ZNF98: variants seen among roughly 807,000 people sequenced by gnomAD.
ZNF98 encodes the protein zinc finger protein 98.
A neutral mutation model predicts 12.8 loss-of-function variants in ZNF98; 8 were observed. That is an observed-to-expected ratio of 0.63 (90% CI 0.37 to 1.13). The LOEUF is 1.13. Among genes scored for constraint, ZNF98 ranks in the 50% most tolerant of loss-of-function variants. The pLI, the probability that ZNF98 is intolerant of heterozygous loss-of-function variation, is 0.01. For missense variants in ZNF98, 379 were observed against 666.1 expected (o/e 0.57, Z 4.74); for synonymous variants, 112 against 223.5 (o/e 0.50, Z 4.45).
intron 1 of ZNF98, among the ~76,000 whole-genome samples, chr19:22,406,844 C>A (rs570108373): frequency 6.6e-6 from 1 of 150,874 alleles, no homozygotes; most frequent in East Asian, 2.0e-4. Flanking sequence ...GAAAAAGACA[C>A]TGAAAACCCA....
At chr19:22,397,202 GTGTGTGTTTT>G (rs1268717660) in intron 3 of ZNF98, among the ~76,000 whole-genome samples, 4 of 85,310 alleles carry the variant, frequency 4.7e-5, no homozygotes, top group African/African-American at 1.0e-4. Flanking sequence ...GTGTGTGTGT[GTGTGTGTTTT>G]TGTGTGTGTG....
At chr19:22,403,353 T>C (rs752499698) in intron 2 of ZNF98, 33 bp downstream of exon 2, 11 of 1,554,976 alleles carry the variant, frequency 7.1e-6, no homozygotes, top group Admixed American at 4.1e-5. Context: ...TTATAGGGTA[T>C]ATTAGGGAAT....
At chr19:22,405,438 C>T (rs532733907) in intron 1 of ZNF98, among the ~76,000 whole-genome samples, 18 of 152,118 alleles carry the variant, frequency 1.2e-4, no homozygotes, top group African/African-American at 4.1e-4. Context: ...GCATGACCCA[C>T]GGAGAGGAAG....
At chr19:22,405,200 G>C (rs1969505949) in intron 1 of ZNF98, among the ~76,000 whole-genome samples, 1 of 147,780 alleles carries the variant, frequency 6.8e-6, no homozygotes, top group Non-Finnish European at 1.5e-5. Context: ...GTAAAGCTTT[G>C]CAAGTACTGA....
chr19:22,404,405 A>C (rs1969497195), intron 1 of ZNF98, among the ~76,000 whole-genome samples: 1 of 152,252 alleles, frequency 6.6e-6, no homozygotes, highest in African/African-American at 2.4e-5. Flanking sequence ...TTCGTTTTCC[A>C]AAGACAGATA....
chr19:22,421,570 G>C (rs77152766), intron 1 of ZNF98, among the ~76,000 whole-genome samples: 5,654 of 152,206 alleles, frequency 0.037, 358 homozygotes, highest in African/African-American at 0.13. Context: ...AGTAAGTTCT[G>C]ATTACACAAC....
At position 22,392,610 on chromosome 19, in the gene ZNF98, G is replaced by C. The variant is rs1368993673; in HGVS notation, c.625C>G (p.Pro209Ala). ...QHKRIHSGEK[P>A]YKCKECGKAY... is the part of the protein sequence containing the mutation. ...TTCCCACATTCTTTACATTTGTAGG[G>C]TTTCTCTCCACTATGAATTCTTTTA... Residue 209 changes from proline to alanine, a missense_variant, in exon 4 of 4, where the codon CCC (proline) becomes GCC (alanine). Transcript: ENST00000357774. 9.3e-6 allele frequency: 15 copies of C among 1,605,840 alleles called. No individual in the cohort carries two copies. The highest frequency in any genetic ancestry group is 1.7e-4 in the Middle Eastern group (1 of 5,992).
chr19:22,408,061 T>C (rs1460132348), intron 1 of ZNF98, among the ~76,000 whole-genome samples: 3 of 151,990 alleles, frequency 2.0e-5, no homozygotes, highest in African/African-American at 7.3e-5. Flanking sequence ...CGAAACTCTG[T>C]CTCAAAACAA....
At chr19:22,408,121 G>A (rs1293672591) in intron 1 of ZNF98, among the ~76,000 whole-genome samples, 1 of 152,114 alleles carries the variant, frequency 6.6e-6, no homozygotes, top group Admixed American at 6.6e-5. Context: ...TTCATCCCTG[G>A]GATGCAGGGC....
At chr19:22,416,766 A>G (rs1969648377) in intron 1 of ZNF98, among the ~76,000 whole-genome samples, 1 of 152,102 alleles carries the variant, frequency 6.6e-6, no homozygotes, top group African/African-American at 2.4e-5. Context: ...TAAATAAAAT[A>G]TGGTACATAA....
intron 3 of ZNF98, among the ~76,000 whole-genome samples, chr19:22,397,209 T>TG (rs3084809): frequency 0.45 from 59,873 of 132,328 alleles, 12,221 homozygotes; most frequent in Non-Finnish European, 0.49. Context: ...TGTGTGTGTG[T>TG]TTTTGTGTGT....
Position 22,392,918 on chromosome 19 carries a change from T to C in ZNF98, c.317A>G (p.Lys106Arg). The C allele has an allele frequency of 1.3e-6, 2 of 1,587,186 alleles. No homozygotes were observed. The highest frequency in any genetic ancestry group is 2.3e-5 in the South Asian group (2 of 85,224). Residue 106 changes from lysine (K) to arginine (R), a missense_variant, in exon 4 of 4, where the codon AAA (lysine) becomes AGA (arginine). Lys to Arg is a conservative substitution (Grantham distance 26). Around this residue, in one of 8 missense-constraint regions of ZNF98, gnomAD observed 223 missense variants for 261.6 expected, o/e 0.85. Transcript: ENST00000357774. ...TTTTTTATATGTTCTCAGTATCACTTTTTGGAAATAATTTTTTTTGCCCTG... is the reference window on the plus strand; with the variant it reads ...TTTTTTATATGTTCTCAGTATCACTCTTTGGAAATAATTTTTTTTGCCCTG... ...PKQGKKNYFQKVILRTYKKCG... is the reference protein window; with the variant it reads ...PKQGKKNYFQRVILRTYKKCG...
chr19:22,396,974 C>G (rs1408794124), intron 3 of ZNF98, among the ~76,000 whole-genome samples: 1 of 151,906 alleles, frequency 6.6e-6, no homozygotes, highest in Non-Finnish European at 1.5e-5. Flanking sequence ...CAAAAATTAG[C>G]CGGGCATGGT....
At chr19:22,416,968 G>A (rs988798338) in intron 1 of ZNF98, among the ~76,000 whole-genome samples, 19 of 152,024 alleles carry the variant, frequency 1.2e-4, no homozygotes, top group African/African-American at 4.6e-4. Flanking sequence ...AGTGGCTCAC[G>A]CCTGTAATCC....
intron 1 of ZNF98, 25 bp from the exon 2 acceptor site, chr19:22,403,537 C>T (rs1270126573): frequency 7.0e-6 from 11 of 1,571,514 alleles, no homozygotes; most frequent in Non-Finnish European, 9.4e-6. Flanking sequence ...AACACACATA[C>T]ATATTTACCA....
Position 22,392,744 on chromosome 19 carries a change from T to C in ZNF98, c.491A>G (p.His164Arg), listed in dbSNP as rs780500984. 1 of 1,608,550 alleles carries C rather than the reference T, an allele frequency of 6.2e-7. No individual in the cohort carries two copies. Residue 164 changes from histidine to arginine, a missense_variant, in exon 4 of 4, where the codon CAT (histidine) becomes CGT (arginine). His to Arg is a conservative substitution (Grantham distance 29, BLOSUM62 0). Transcript: ENST00000357774. Reference sequence around the variant, plus strand: ...ATGTCTGTTTGAATTTGAAAATTTATGAAAGACTTTCACATATTTGTCATA... The same window carrying C: ...ATGTCTGTTTGAATTTGAAAATTTACGAAAGACTTTCACATATTTGTCATA... ...FQYDKYVKVF[H>R]KFSNSNRHKI...
At chr19:22,395,156 G>C (rs189562684) in intron 3 of ZNF98, among the ~76,000 whole-genome samples, 17 of 134,102 alleles carry the variant, frequency 1.3e-4, no homozygotes, top group African/African-American at 4.5e-4. Context: ...TGGGTGACAG[G>C]AGCAAAACTC....
rs188316983 is a variant in ZNF98, at chr19:22,396,786, T to C, written c.254-3805A>G. Among the ~76,000 whole-genome samples the C allele has an allele frequency of 2.6e-4, 40 of 152,334 alleles. 2 individuals are homozygous for C. In the East Asian group the frequency reaches 7.5e-3, roughly 29 times the overall value. ...AACTGTCATGTTTTACAAAATGTAC[T>C]TGAAGTTAAAACTCCAAGGAGACAA... On this transcript the variant is annotated intron_variant, in intron 3 of 3. Coordinates refer to ENST00000357774, the MANE Select transcript of ZNF98 (RefSeq NM_001098626.2).
intron 2 of ZNF98, 148 bp from the exon 3 acceptor site, chr19:22,403,032 A>G: frequency 1.6e-6 from 1 of 625,928 alleles, no homozygotes; most frequent in South Asian, 3.8e-5. Context: ...TATTTAGGAA[A>G]TATTTTAATT....
Sources: gnomAD v4.1 joint callset for allele counts (sites outside exome capture counted in the v4.1 genomes callset) on GRCh38, gnomAD v4.1.1 for gene constraint, gnomAD v4.1.1 regional missense constraint, MANE v1.5 for transcripts, NCBI Gene and HGNC (gene_info 2026-07-23, HGNC 2026-07-21) for gene names.